Variants in RASGEF1A observed in about 807,000 individuals in gnomAD.
The protein encoded by RASGEF1A is RasGEF domain family member 1A.
Under a neutral mutation model 56.4 loss-of-function variants are expected in RASGEF1A, and 18 were observed. The observed-to-expected ratio is 0.32, with a 90% CI of 0.22 to 0.47. The LOEUF is 0.47. Among genes scored for constraint, RASGEF1A ranks in the 20% least tolerant of loss-of-function variants. The pLI is 1.00. For missense variants in RASGEF1A, 422 were observed against 627.1 expected, an observed-to-expected ratio of 0.67 and a Z score of 3.49; for synonymous variants, 245 against 242.6, an observed-to-expected ratio of 1.01 and a Z score of -0.09.
intron 1 of RASGEF1A, among the ~76,000 whole-genome samples, chr10:43,215,406 G>C (rs1009829849): frequency 6.6e-6 from 1 of 152,222 alleles, no homozygotes; most frequent in Non-Finnish European, 1.5e-5. Context: ...TACACATCTC[G>C]CCTGTCTCCC....
chr10:43,224,944 A>G (rs980604668), intron 1 of RASGEF1A, among the ~76,000 whole-genome samples: 1 of 152,194 alleles, frequency 6.6e-6, no homozygotes, highest in Non-Finnish European at 1.5e-5. Context: ...CCCTGGGCAT[A>G]TGTGTCTGCC....
chr10:43,228,987 A>G (rs1407766285), intron 1 of RASGEF1A, among the ~76,000 whole-genome samples: 2 of 152,210 alleles, frequency 1.3e-5, no homozygotes, highest in South Asian at 4.1e-4. Flanking sequence ...CCGCACCCGA[A>G]TCACACCGCC....
At chr10:43,198,860 T>C (rs1839843491) in intron 9 of RASGEF1A, 73 bp downstream of exon 9, 1 of 1,397,490 alleles carries the variant, frequency 7.2e-7, no homozygotes, top group Admixed American at 1.7e-5. Context: ...ACCCCCACTG[T>C]CAGGGCCCCC....
intron 10 of RASGEF1A, 64 bp downstream of exon 10, chr10:43,197,940 G>A: frequency 7.0e-7 from 1 of 1,426,830 alleles, no homozygotes; most frequent in Non-Finnish European, 9.7e-7. Context: ...CAGGGCTAAT[G>A]CCTGGCGGCT....
Position 43,203,690 on chromosome 10 carries a change from C to A in RASGEF1A, c.199-270G>T. 16 of 1,174,752 alleles carry A rather than the reference C, an allele frequency of 1.4e-5. No homozygotes were observed. In the Admixed American group the frequency reaches 1.8e-4, roughly 13 times the overall value. The allele number at this position is 1,174,752 out of a possible 1,614,324, so 72.8% of individuals were successfully genotyped here. ...CAGTCTTCCTCCGCTGGGATTCTCC[C>A]CCTCTCTGCCCCACGCCACCATAGG... On this transcript the variant is annotated intron_variant, in intron 2 of 12. Coordinates refer to ENST00000395810, the MANE Select transcript of RASGEF1A (RefSeq NM_145313.4).
At chr10:43,213,998 C>G (rs1194210937) in intron 1 of RASGEF1A, among the ~76,000 whole-genome samples, 1 of 152,328 alleles carries the variant, frequency 6.6e-6, no homozygotes, top group East Asian at 1.9e-4. Context: ...GGCCATCTGC[C>G]TCTGGCCTCA....
intron 1 of RASGEF1A, among the ~76,000 whole-genome samples, chr10:43,223,733 GAAGA>G: frequency 6.6e-6 from 1 of 152,252 alleles, no homozygotes; most frequent in East Asian, 1.9e-4. Flanking sequence ...CAAAAGGAAA[GAAGA>G]AAGGGAGGGA....
At chr10:43,249,160 G>A (rs1193138790) in intron 1 of RASGEF1A, among the ~76,000 whole-genome samples, 1 of 152,202 alleles carries the variant, frequency 6.6e-6, no homozygotes, top group Non-Finnish European at 1.5e-5. Context: ...GTGTCCATCT[G>A]AGGAGCAGGA....
At chr10:43,253,972 G>A (rs1472212621) in intron 1 of RASGEF1A, among the ~76,000 whole-genome samples, 1 of 152,204 alleles carries the variant, frequency 6.6e-6, no homozygotes, top group Non-Finnish European at 1.5e-5. Context: ...GGGCTCACCC[G>A]GCAGTGCCCC....
At position 43,196,050 on chromosome 10, in the gene RASGEF1A, T is replaced by C. The variant is rs1839791585; in HGVS notation, c.*194A>G. 2 of 506,320 alleles carry C rather than the reference T, an allele frequency of 4.0e-6. No individual in the cohort carries two copies. The allele number at this position is 506,320 out of a possible 1,614,324, so 31.4% of individuals were successfully genotyped here. A position where few individuals can be genotyped will look rare whatever the true frequency, so the allele number is the denominator to read the frequency against. On this transcript the variant is annotated 3_prime_UTR_variant, in exon 13 of 13. Transcript: ENST00000395810. This position sits in a 1 kb window ranked among gnomAD's most constrained non-coding sequence, Gnocchi z 4.6. ...CTCCCCAAAGCAGGGCCCTGCCCTG[T>C]TATTTAAAATAAACAAAAAAAACTT... is the stretch of plus-strand genomic sequence containing the variant.
In RASGEF1A at chr10:43,197,319, A is replaced by C. The variant is rs529653730; in HGVS notation, c.1225-220T>G. Among the ~76,000 whole-genome samples, 4 of 152,198 alleles carry C rather than the reference A, an allele frequency of 2.6e-5. No individual in the cohort carries two copies. The East Asian group carries it at 7.8e-4, about 29-fold the overall frequency. ...CCAAGGCCACTCTGTCTGGCCCTCC[A>C]CCTGGGCCATCAGGCCGGCAGCAGG... is the stretch of plus-strand genomic sequence containing the variant. On this transcript the variant is annotated intron_variant, in intron 10 of 12. Coordinates refer to ENST00000395810, the MANE Select transcript of RASGEF1A (RefSeq NM_145313.4).
At chr10:43,233,303 C>T (rs78016320) in intron 1 of RASGEF1A, among the ~76,000 whole-genome samples, 2,832 of 151,978 alleles carry the variant, frequency 0.019, 39 homozygotes, top group Non-Finnish European at 0.029. Context: ...TGTGTGTGCA[C>T]GTGTGTGTGT....
intron 1 of RASGEF1A, among the ~76,000 whole-genome samples, chr10:43,233,217 G>A (rs1210051097): frequency 6.6e-6 from 1 of 152,176 alleles, no homozygotes; most frequent in Non-Finnish European, 1.5e-5. Context: ...GCTCCATGAG[G>A]GCAGGATCTT....
chr10:43,217,072 T>C (rs1328321672), intron 1 of RASGEF1A, among the ~76,000 whole-genome samples: 3 of 151,806 alleles, frequency 2.0e-5, no homozygotes, highest in Non-Finnish European at 2.9e-5. Context: ...GGGGGAGAAA[T>C]GAGGTAGGGG....
At chr10:43,208,446 C>G in intron 1 of RASGEF1A, 3 of 985,604 alleles carry the variant, frequency 3.0e-6, no homozygotes, top group South Asian at 4.7e-5. Flanking sequence ...GGGGACCCAG[C>G]CCACTGGTCA....
intron 1 of RASGEF1A, among the ~76,000 whole-genome samples, chr10:43,236,903 G>A (rs1251370362): frequency 2.6e-5 from 4 of 152,072 alleles, no homozygotes; most frequent in Non-Finnish European, 4.4e-5. Flanking sequence ...GGACCATAGG[G>A]GGGTCTCAGG....
intron 5 of RASGEF1A, among the ~76,000 whole-genome samples, 189 bp downstream of exon 5, chr10:43,200,478 G>T (rs1307806650): frequency 7.9e-5 from 12 of 152,206 alleles, no homozygotes; most frequent in Admixed American, 7.9e-4. Flanking sequence ...CTGAGGACGT[G>T]AGTGCCAGGC....
chr10:43,253,609 C>T (rs112482535), intron 1 of RASGEF1A, among the ~76,000 whole-genome samples: 4 of 152,192 alleles, frequency 2.6e-5, no homozygotes, highest in South Asian at 4.1e-4. Flanking sequence ...GTGGCTGGCT[C>T]GGAGCTGTAG....
At chr10:43,241,428 T>C (rs1449252230) in intron 1 of RASGEF1A, among the ~76,000 whole-genome samples, 5 of 152,076 alleles carry the variant, frequency 3.3e-5, no homozygotes, top group Admixed American at 1.3e-4. Flanking sequence ...AGGAGCAAAG[T>C]TTTTGAATAC....
Sources: allele counts gnomAD v4.1 joint callset (sites outside exome capture counted in the v4.1 genomes callset), GRCh38; gene constraint gnomAD v4.1.1; non-coding constraint Gnocchi (gnomAD v3.1); transcripts MANE v1.5; gene names NCBI Gene and HGNC (gene_info 2026-07-23, HGNC 2026-07-21).